Variants in APP observed in about 807,000 individuals in gnomAD.
The protein encoded by APP is amyloid beta precursor protein.
A neutral mutation model predicts 101.4 loss-of-function variants in APP; 31 were observed. That is an observed-to-expected ratio of 0.31 (90% confidence interval 0.23 to 0.41). APP has a LOEUF of 0.41. APP is among the 10% of genes least tolerant of loss of function. The pLI is 1.00. For synonymous variants in APP, 366 were observed against 364.4 expected (o/e 1.00, Z -0.05); for missense variants, 839 against 1,003.7 (o/e 0.84, Z 2.22).
intron 17 of APP, among the ~76,000 whole-genome samples, chr21:25,886,602 C>T (rs932045783): frequency 1.3e-5 from 2 of 151,864 alleles, no homozygotes; most frequent in African/African-American, 4.8e-5. Flanking sequence ...ACCATGTTGG[C>T]CAGGCTGGAC....
chr21:25,915,326 ACTCTC>A (rs1186829885), intron 13 of APP, among the ~76,000 whole-genome samples: 1 of 151,778 alleles, frequency 6.6e-6, no homozygotes, highest in Admixed American at 6.6e-5. Context: ...CTCCTGTATG[ACTCTC>A]CTCTCCCAAG....
intron 3 of APP, among the ~76,000 whole-genome samples, chr21:26,081,962 AATCCCAGGACT>A (rs1372519096): frequency 1.8e-4 from 27 of 152,176 alleles, no homozygotes; most frequent in Admixed American, 1.7e-3. Context: ...TCATGTCTGT[AATCCCAGGACT>A]TTGGGAGGCC....
chr21:26,011,647 G>A lies in APP; in HGVS notation c.865+10193C>T, dbSNP rs571934951. The stretch of plus-strand genomic sequence containing the variant: ...CCATAGCCCAAGCAAACACCAGAAG[G>A]ATTCGTGATGCATTTTAGTAACTTT... On this transcript the variant is annotated intron_variant, in intron 6 of 17. Coordinates refer to ENST00000346798, the MANE Select transcript of APP (RefSeq NM_000484.4). Among the ~76,000 whole-genome samples the A allele has an allele frequency of 3.3e-5, 5 of 152,158 alleles. No homozygotes were observed. The East Asian group carries it at 9.7e-4, about 29-fold the overall frequency.
intron 17 of APP, among the ~76,000 whole-genome samples, chr21:25,885,193 G>A (rs777033508): frequency 2.6e-5 from 4 of 152,204 alleles, no homozygotes; most frequent in Non-Finnish European, 4.4e-5. Context: ...CCCCTTGAAA[G>A]CTAGATGCGA....
chr21:26,060,541 G>A (rs2046230601), intron 3 of APP, among the ~76,000 whole-genome samples: 1 of 152,186 alleles, frequency 6.6e-6, no homozygotes, highest in South Asian at 2.1e-4. Context: ...GATCCTAGCG[G>A]GGAAGCGATA....
chr21:26,045,638 T>C (rs1324843461), intron 5 of APP, among the ~76,000 whole-genome samples: 1 of 152,182 alleles, frequency 6.6e-6, no homozygotes, highest in Non-Finnish European at 1.5e-5. Flanking sequence ...CCACTGTATC[T>C]AGATAGTCAA....
intron 3 of APP, among the ~76,000 whole-genome samples, chr21:26,081,539 G>C (rs892045414): frequency 6.6e-6 from 1 of 152,180 alleles, no homozygotes; most frequent in Non-Finnish European, 1.5e-5. Context: ...AATGTCATCA[G>C]TTAAGGCAGG....
chr21:26,052,223 G>A (rs1322696123), intron 4 of APP, among the ~76,000 whole-genome samples: 1 of 152,110 alleles, frequency 6.6e-6, no homozygotes, highest in South Asian at 2.1e-4. Flanking sequence ...TTGATGTTTT[G>A]GACTGCCTAA....
At chr21:26,149,259 A>T (rs907047556) in intron 1 of APP, among the ~76,000 whole-genome samples, 1 of 152,230 alleles carries the variant, frequency 6.6e-6, no homozygotes, top group Non-Finnish European at 1.5e-5. Context: ...TTAAGAGTAA[A>T]GACAATGAAA....
chr21:26,036,560 G>A (rs1169458246), intron 5 of APP, among the ~76,000 whole-genome samples: 2 of 152,162 alleles, frequency 1.3e-5, no homozygotes, highest in Non-Finnish European at 2.9e-5. Context: ...TATCTTACTT[G>A]CCTGTCAACT....
At chr21:25,992,474 C>A (rs950262755) in intron 8 of APP, among the ~76,000 whole-genome samples, 2 of 152,142 alleles carry the variant, frequency 1.3e-5, no homozygotes, top group African/African-American at 4.8e-5. Context: ...GTTATTTCAT[C>A]ATGAATACAT....
chr21:26,120,804 C>G (rs924036279), intron 1 of APP, among the ~76,000 whole-genome samples: 5 of 152,122 alleles, frequency 3.3e-5, no homozygotes, highest in African/African-American at 1.2e-4. Context: ...ATTAAATAGA[C>G]CCCGTTCCTG....
chr21:26,150,118 C>T (rs1015984594), intron 1 of APP, among the ~76,000 whole-genome samples: 5 of 152,046 alleles, frequency 3.3e-5, no homozygotes, highest in African/African-American at 4.8e-5. Flanking sequence ...GGGAGCTCCA[C>T]AGAAAAGCAA....
intron 1 of APP, among the ~76,000 whole-genome samples, chr21:26,126,923 C>T (rs1236396034): frequency 6.6e-6 from 1 of 150,918 alleles, no homozygotes; most frequent in Non-Finnish European, 1.5e-5. Context: ...TCATATAAAA[C>T]AATAACTATG....
chr21:26,033,356 T>A (rs1384877532), intron 5 of APP, among the ~76,000 whole-genome samples: 1 of 152,218 alleles, frequency 6.6e-6, no homozygotes, highest in African/African-American at 2.4e-5. Flanking sequence ...AAGAAGGATG[T>A]GTTTGCTTCC....
chr21:25,998,379 A>G (rs116016355), intron 7 of APP, among the ~76,000 whole-genome samples: 1,791 of 147,004 alleles, frequency 0.012, 38 homozygotes, highest in African/African-American at 0.044. Flanking sequence ...GCAATCATCC[A>G]ATCAGAGCCA....
intron 2 of APP, among the ~76,000 whole-genome samples, chr21:26,108,582 CTT>C (rs2062237309): frequency 7.4e-6 from 1 of 135,044 alleles, no homozygotes; most frequent in South Asian, 2.6e-4. Flanking sequence ...AATCACTCCT[CTT>C]CTCTGAAAAA....
At chr21:25,925,324 G>A (rs1449968341) in intron 13 of APP, among the ~76,000 whole-genome samples, 2 of 152,196 alleles carry the variant, frequency 1.3e-5, no homozygotes, top group Non-Finnish European at 2.9e-5. Context: ...CATGGCCTCT[G>A]AAACTCCCCA....
chr21:25,986,167 T>C (rs1296785284), intron 8 of APP, among the ~76,000 whole-genome samples: 4 of 152,006 alleles, frequency 2.6e-5, no homozygotes, highest in Non-Finnish European at 2.9e-5. Flanking sequence ...GGTACTTCCT[T>C]TTGGGAAGGG....
Sources: gnomAD v4.1 joint callset for allele counts (sites outside exome capture counted in the v4.1 genomes callset) on GRCh38, gnomAD v4.1.1 for gene constraint, MANE v1.5 for transcripts, NCBI Gene and HGNC (gene_info 2026-07-23, HGNC 2026-07-21) for gene names.